The following SGPP2 variants were observed in gnomAD, a reference collection of about 807,000 sequenced individuals.
The protein encoded by SGPP2 is sphingosine-1-phosphate phosphatase 2.
Under a neutral mutation model 33.9 loss-of-function variants are expected in SGPP2, and 30 were observed. That is an observed-to-expected ratio of 0.89 (90% CI 0.66 to 1.20). SGPP2 has a LOEUF of 1.20. Ranked by LOEUF, SGPP2 falls within the 50% of genes most tolerant of loss-of-function variation. SGPP2 has a pLI of 0.00. For synonymous variants in SGPP2, 233 were observed against 225.0 expected (o/e 1.04, Z -0.32); for missense variants, 458 against 532.1 (o/e 0.86, Z 1.37).
At chr2:222,467,904 T>C (rs1163248321) in intron 1 of SGPP2, among the ~76,000 whole-genome samples, 1 of 129,300 alleles carries the variant, frequency 7.7e-6, no homozygotes, top group East Asian at 2.3e-4. Flanking sequence ...GTGGAGTATC[T>C]TGGACTTGAC....
At chr2:222,447,180 G>A (rs1697410677) in intron 1 of SGPP2, among the ~76,000 whole-genome samples, 1 of 152,210 alleles carries the variant, frequency 6.6e-6, no homozygotes, top group Non-Finnish European at 1.5e-5. Flanking sequence ...TAGGAACAAG[G>A]TGGAGTAGTG....
intron 1 of SGPP2, among the ~76,000 whole-genome samples, chr2:222,461,534 A>C (rs1697660460): frequency 6.6e-6 from 1 of 152,042 alleles, no homozygotes; most frequent in Non-Finnish European, 1.5e-5. Context: ...AATATAATGA[A>C]ATAATTATAC....
intron 1 of SGPP2, chr2:222,453,236 TC>T (rs1697519636): frequency 1.3e-6 from 1 of 767,516 alleles, no homozygotes; most frequent in African/African-American, 1.7e-5. Context: ...AGGTGAAGAT[TC>T]TTTACAATCA....
In SGPP2 at chr2:222,561,871, G is replaced by C. The variant is rs1259336893; in HGVS notation, c.*2973G>C. Among the ~76,000 whole-genome samples the C allele has an allele frequency of 1.3e-5, 2 of 151,486 alleles. No individual in the cohort carries two copies. Among genetic ancestry groups the C allele is most frequent in the African/African-American group, 4.8e-5 (2 of 41,244 alleles). ...ATTACCTGATTCACACCCTTGTCTT[G>C]CTAGCCCTCTTCCATTCATTTCTCA... On this transcript the variant is annotated 3_prime_UTR_variant, in exon 5 of 5. Coordinates refer to ENST00000321276, the MANE Select transcript of SGPP2 (RefSeq NM_152386.4).
intron 2 of SGPP2, among the ~76,000 whole-genome samples, chr2:222,510,487 T>C (rs1199085825): frequency 6.6e-6 from 1 of 152,196 alleles, no homozygotes; most frequent in African/African-American, 2.4e-5. Flanking sequence ...CAGTTTGCAG[T>C]GTTTCTACCC....
intron 1 of SGPP2, among the ~76,000 whole-genome samples, chr2:222,462,623 T>C (rs1697680824): frequency 6.6e-6 from 1 of 152,186 alleles, no homozygotes; most frequent in Non-Finnish European, 1.5e-5. Context: ...AGATTTTCGA[T>C]CTTAATCGCA....
intron 2 of SGPP2, among the ~76,000 whole-genome samples, chr2:222,486,304 TGAAG>T (rs1401123758): frequency 2.7e-4 from 41 of 152,220 alleles, no homozygotes; most frequent in Non-Finnish European, 1.2e-4. Context: ...TCCTGGTGCC[TGAAG>T]CCCTGGCCAG....
intron 1 of SGPP2, among the ~76,000 whole-genome samples, chr2:222,464,520 TTGCCCATGC>T (rs1180058511): frequency 6.6e-6 from 1 of 152,236 alleles, no homozygotes; most frequent in Non-Finnish European, 1.5e-5. Flanking sequence ...TCTCACTCTA[TTGCCCATGC>T]TGGAGTGCAG....
At chr2:222,492,344 G>A (rs1375594854) in intron 2 of SGPP2, among the ~76,000 whole-genome samples, 1 of 152,236 alleles carries the variant, frequency 6.6e-6, no homozygotes, top group African/African-American at 2.4e-5. Context: ...AAATCTAGAT[G>A]GGTGTTCCCA....
chr2:222,556,023 T>G (rs1182348963), intron 4 of SGPP2, among the ~76,000 whole-genome samples: 4 of 152,154 alleles, frequency 2.6e-5, no homozygotes, highest in Non-Finnish European at 5.9e-5. Context: ...TCCCAGAACC[T>G]CATGGATCCC....
At chr2:222,455,963 C>T (rs990683134) in intron 1 of SGPP2, among the ~76,000 whole-genome samples, 2 of 152,026 alleles carry the variant, frequency 1.3e-5, no homozygotes, top group Non-Finnish European at 2.9e-5. Context: ...TCTATAGTCG[C>T]AGCAACTTGG....
rs1205688613 is a variant in SGPP2, at chr2:222,524,979, G to A, written c.594G>A (p.Val198=). The A allele has an allele frequency of 2.5e-6, 4 of 1,613,926 alleles. No individual in the cohort carries two copies. The East Asian group carries it at 8.9e-5, about 36-fold the overall frequency. The change falls in exon 4 of 5, where the codon GTG becomes GTA. Residue 198 remains valine (V), a synonymous_variant. Transcript: ENST00000321276. The part of the protein sequence containing the change: ...PFVLGLVMAV[V]FSTLVCLSRL... ...TGTTGGGACTGGTGATGGCCGTGGT[G>A]TTTTCCACCTTGGTGTGTCTCAGCA...
intron 4 of SGPP2, among the ~76,000 whole-genome samples, chr2:222,548,457 C>A: frequency 6.6e-6 from 1 of 152,326 alleles, no homozygotes; most frequent in Non-Finnish European, 1.5e-5. Context: ...AGTTTTCAGT[C>A]TTTTTCAAAG....
At chr2:222,444,587 G>A (rs74851257) in intron 1 of SGPP2, among the ~76,000 whole-genome samples, 3,560 of 152,278 alleles carry the variant, frequency 0.023, 60 homozygotes, top group South Asian at 0.078. Context: ...GTAAACAGGT[G>A]AGCAGGACAT....
chr2:222,496,675 A>AC lies in SGPP2; in HGVS notation c.378+21956dup, dbSNP rs959114532. On this transcript the variant is annotated intron_variant, in intron 2 of 4. Transcript: ENST00000321276. ...CCTGTCTGTTCTTATCTCTGGTGAG[A>AC]CCCCCCCGCCATGCCCTACATATCC... 1.3e-3 allele frequency among the ~76,000 whole-genome samples: 198 copies of AC among 149,792 alleles called. 1 individual carries two copies. Among genetic ancestry groups the AC allele is most frequent in the Middle Eastern group, 6.9e-3 (2 of 288 alleles).
rs61438762 is a variant in SGPP2 at position 222,561,873 on chromosome 2, T to C, written c.*2975T>C. Among the ~76,000 whole-genome samples the C allele has an allele frequency of 0.03, 4,566 of 151,856 alleles. 111 individuals are homozygous for C. Among genetic ancestry groups the C allele is most frequent in the African/African-American group, 0.07 (2,902 of 41,424 alleles). On this transcript the variant is annotated 3_prime_UTR_variant, in exon 5 of 5. Transcript: ENST00000321276. ...TACCTGATTCACACCCTTGTCTTGC[T>C]AGCCCTCTTCCATTCATTTCTCACA...
chr2:222,481,747 G>A lies in SGPP2; in HGVS notation c.378+7021G>A, dbSNP rs375529286. Reference sequence around the variant, plus strand: ...CCTGCATAAAAGAGCTTACTGTGGGGGGTGACCAGCCCTTAGAAAACCTGG... The same window carrying A: ...CCTGCATAAAAGAGCTTACTGTGGGAGGTGACCAGCCCTTAGAAAACCTGG... On this transcript the variant is annotated intron_variant, in intron 2 of 4. Coordinates refer to ENST00000321276, the MANE Select transcript of SGPP2 (RefSeq NM_152386.4). Among the ~76,000 whole-genome samples, 68 of 152,186 alleles carry A rather than the reference G, an allele frequency of 4.5e-4. 1 individual carries two copies. Among genetic ancestry groups the A allele is most frequent in the African/African-American group, 1.6e-3 (66 of 41,510 alleles).
At chr2:222,518,887 C>T (rs1698643571) in intron 2 of SGPP2, among the ~76,000 whole-genome samples, 7 of 152,186 alleles carry the variant, frequency 4.6e-5, no homozygotes, top group Admixed American at 2.6e-4. Context: ...GCAACACCTT[C>T]TCAGGGGGTT....
chr2:222,435,036 ATGTG>A (rs1697217777), intron 1 of SGPP2, among the ~76,000 whole-genome samples: 1 of 151,074 alleles, frequency 6.6e-6, no homozygotes, highest in African/African-American at 2.4e-5. Flanking sequence ...GTGTATATAT[ATGTG>A]TATATATATA....
Sources: allele counts gnomAD v4.1 joint callset (sites outside exome capture counted in the v4.1 genomes callset), GRCh38; gene constraint gnomAD v4.1.1; transcripts MANE v1.5; gene names NCBI Gene and HGNC (gene_info 2026-07-23, HGNC 2026-07-21).